The following CLYBL variants were observed in gnomAD, a reference collection of about 807,000 sequenced individuals.
The protein encoded by CLYBL is citramalyl-CoA lyase, also known as citramalyl-CoA lyase, mitochondrial.
CLYBL carries 31 observed loss-of-function variants against 38.9 expected under a neutral mutation model. The observed-to-expected ratio is 0.80, with a 90% CI of 0.60 to 1.08. The LOEUF (loss-of-function observed/expected upper bound fraction) is 1.08. CLYBL is among the 50% of genes least tolerant of loss of function. The pLI is 0.00. For synonymous variants in CLYBL, 171 were observed against 158.6 expected (o/e 1.08, Z -0.59); for missense variants, 434 against 411.6 (o/e 1.05, Z -0.47).
chr13:99,811,297 A>C (rs569410718), intron 2 of CLYBL, among the ~76,000 whole-genome samples: 1 of 152,224 alleles, frequency 6.6e-6, no homozygotes. Flanking sequence ...CCAAAAATGC[A>C]TGTCAACATG....
intron 2 of CLYBL, among the ~76,000 whole-genome samples, chr13:99,795,398 A>G (rs1018552436): frequency 1.1e-4 from 17 of 152,158 alleles, no homozygotes; most frequent in African/African-American, 4.1e-4. Context: ...TCACACCTGT[A>G]ATCCTAGCAC....
chr13:99,770,920 C>A (rs1481944132), intron 1 of CLYBL, among the ~76,000 whole-genome samples: 1 of 151,402 alleles, frequency 6.6e-6, no homozygotes, highest in Admixed American at 6.6e-5. Context: ...TGGTGTTTCA[C>A]CATGTTGGCC....
chr13:99,905,769 G>C (rs2052691502), intron 9 of CLYBL, among the ~76,000 whole-genome samples: 1 of 148,376 alleles, frequency 6.7e-6, no homozygotes, highest in Non-Finnish European at 1.5e-5. Context: ...TGTGGTGGTG[G>C]TTGTGGTTGT....
chr13:99,887,426 C>T (rs2052378218), intron 7 of CLYBL, among the ~76,000 whole-genome samples: 1 of 152,192 alleles, frequency 6.6e-6, no homozygotes, highest in Non-Finnish European at 1.5e-5. Context: ...CCTCAGTTTC[C>T]TCAGTTATTA....
intron 1 of CLYBL, among the ~76,000 whole-genome samples, chr13:99,620,334 T>G (rs1009876706): frequency 6.6e-6 from 1 of 152,206 alleles, no homozygotes; most frequent in Non-Finnish European, 1.5e-5. Flanking sequence ...TCAAGCTGGC[T>G]TGCAAATGCC....
intron 1 of CLYBL, among the ~76,000 whole-genome samples, chr13:99,655,073 T>C (rs2047310718): frequency 6.7e-6 from 1 of 148,246 alleles, no homozygotes; most frequent in Non-Finnish European, 1.5e-5. Flanking sequence ...TGGTGTTGCA[T>C]TTCTTTCTTT....
chr13:99,889,162 A>T (rs1030957739), intron 7 of CLYBL, among the ~76,000 whole-genome samples: 2 of 152,224 alleles, frequency 1.3e-5, no homozygotes, highest in Non-Finnish European at 2.9e-5. Context: ...GTTCGGGAAC[A>T]TGGCACAGAC....
intron 1 of CLYBL, among the ~76,000 whole-genome samples, chr13:99,695,978 C>T (rs1037489017): frequency 1.3e-5 from 2 of 152,106 alleles, no homozygotes; most frequent in African/African-American, 4.8e-5. Flanking sequence ...TTGGGGATAT[C>T]GTGTTCTGAG....
At chr13:99,845,036 T>A (rs2051167520) in intron 2 of CLYBL, among the ~76,000 whole-genome samples, 1 of 152,172 alleles carries the variant, frequency 6.6e-6, no homozygotes, top group Non-Finnish European at 1.5e-5. Context: ...CAGGTACTAA[T>A]ATTGTGAAAG....
rs543114173 is a variant in CLYBL, at chr13:99,677,835, G to A, written c.62+71078G>A. Among the ~76,000 whole-genome samples, 82 of 152,168 alleles carry A rather than the reference G, an allele frequency of 5.4e-4. 1 individual carries two copies. Among genetic ancestry groups the A allele is most frequent in the African/African-American group, 1.9e-3 (80 of 41,496 alleles). On this transcript the variant is annotated intron_variant, in intron 1 of 8. Coordinates refer to ENST00000339105, the MANE Select transcript of CLYBL (RefSeq NM_206808.5). ...ATAGCCCTTTTTTGCAGTACACATC[G>A]GGTTTCAATCATCACTGCTACAGAG...
At chr13:99,724,349 T>C (rs911898940) in intron 1 of CLYBL, among the ~76,000 whole-genome samples, 1 of 152,176 alleles carries the variant, frequency 6.6e-6, no homozygotes, top group African/African-American at 2.4e-5. Context: ...ATCTGTTTGT[T>C]TCTGATTGTA....
intron 1 of CLYBL, among the ~76,000 whole-genome samples, chr13:99,612,173 T>TC (rs1488049370): frequency 5.3e-5 from 8 of 152,204 alleles, no homozygotes; most frequent in African/African-American, 1.9e-4. Context: ...AATTCTTTTT[T>TC]CTCTGTTTTT....
At chr13:99,736,553 C>T (rs1228440627) in intron 1 of CLYBL, among the ~76,000 whole-genome samples, 4 of 151,680 alleles carry the variant, frequency 2.6e-5, no homozygotes, top group African/African-American at 4.9e-5. Flanking sequence ...TGCATGAAAT[C>T]GGCAGGTAAG....
downstream of CLYBL, among the ~76,000 whole-genome samples, chr13:99,900,022 G>T (rs1594255964): frequency 2.0e-5 from 3 of 152,188 alleles, no homozygotes; most frequent in South Asian, 6.2e-4. Context: ...TGCCTCCTGG[G>T]TTCAAGCAAT....
chr13:99,694,288 G>T (rs1218538133), intron 1 of CLYBL, among the ~76,000 whole-genome samples: 1 of 152,148 alleles, frequency 6.6e-6, no homozygotes, highest in East Asian at 1.9e-4. Flanking sequence ...AGTCATTGAG[G>T]GTCAAGACTG....
At chr13:99,715,237 T>C (rs780015812) in intron 1 of CLYBL, among the ~76,000 whole-genome samples, 2 of 152,164 alleles carry the variant, frequency 1.3e-5, no homozygotes, top group Admixed American at 1.3e-4. Context: ...ACCTGGACTT[T>C]CACTCAGCCC....
intron 1 of CLYBL, among the ~76,000 whole-genome samples, chr13:99,747,104 A>G (rs1024189510): frequency 1.3e-5 from 2 of 152,162 alleles, no homozygotes; most frequent in Admixed American, 1.3e-4. Flanking sequence ...TAGAGCCAGA[A>G]AGTGGGATTA....
chr13:99,784,980 C>T (rs904444224), intron 2 of CLYBL, among the ~76,000 whole-genome samples: 1 of 151,790 alleles, frequency 6.6e-6, no homozygotes, highest in South Asian at 2.1e-4. Context: ...CGACCTCCGC[C>T]TCTCTGGTTC....
At chr13:99,631,604 ATT>A (rs1161251016) in intron 1 of CLYBL, among the ~76,000 whole-genome samples, 1 of 146,534 alleles carries the variant, frequency 6.8e-6, no homozygotes, top group Admixed American at 6.8e-5. Context: ...TTCACACCAA[ATT>A]TTTTTTTTTT....
Sources: allele counts gnomAD v4.1 joint callset (sites outside exome capture counted in the v4.1 genomes callset), GRCh38; gene constraint gnomAD v4.1.1; transcripts MANE v1.5; gene names NCBI Gene and HGNC (gene_info 2026-07-23, HGNC 2026-07-21).